The following PCDHA1 variants were observed in gnomAD, a reference collection of about 807,000 sequenced individuals.
PCDHA1 encodes the protein protocadherin alpha-1.
A neutral mutation model predicts 61.3 loss-of-function variants in PCDHA1; 42 were observed. The observed-to-expected ratio is 0.69, with a 90% confidence interval of 0.54 to 0.89. The LOEUF (loss-of-function observed/expected upper bound fraction) is 0.89. Ranked by LOEUF, PCDHA1 falls within the 40% of genes least tolerant of loss-of-function variation. The pLI, the probability that PCDHA1 is intolerant of heterozygous loss-of-function variation, is 0.00. For synonymous variants in PCDHA1, 610 were observed against 553.8 expected, an observed-to-expected ratio of 1.10 and a Z score of -1.43; for missense variants, 1,256 against 1,235.3, an observed-to-expected ratio of 1.02 and a Z score of -0.25.
rs537367595 is a variant in PCDHA1, at chr5:140,855,783, A to G, written c.2394+67099A>G. The G allele has an allele frequency of 2.9e-4, 123 of 423,664 alleles. 6 individuals carry two copies. Among genetic ancestry groups the G allele is most frequent in the Non-Finnish European group, 4.5e-4 (106 of 237,548 alleles). 26.2% of individuals were successfully genotyped at this position (423,664 alleles called of 1,614,324 possible). On this transcript the variant is annotated intron_variant, in intron 1 of 3. Coordinates refer to ENST00000504120, the MANE Select transcript of PCDHA1 (RefSeq NM_018900.4). ...TCCATAGACATAAAAATACGTAAAA[A>G]AAGAATTAACATATGAATGAAAGAA...
intron 1 of PCDHA1, chr5:140,863,734 C>A: frequency 3.9e-6 from 1 of 256,490 alleles, no homozygotes; most frequent in Non-Finnish European, 7.7e-6. Flanking sequence ...GTAGCTCATG[C>A]CTATTTGTAA....
chr5:140,906,327 A>G (rs1240461628), intron 1 of PCDHA1, among the ~76,000 whole-genome samples: 2 of 152,322 alleles, frequency 1.3e-5, no homozygotes, highest in African/African-American at 4.8e-5. Flanking sequence ...TGATACAACT[A>G]TCCTTCATAC....
rs1294664970 is a variant in PCDHA1, at chr5:140,858,562, T to C, written c.2394+69878T>C. On this transcript the variant is annotated intron_variant, in intron 1 of 3. Transcript: ENST00000504120. Reference sequence around the variant, plus strand: ...CATTCCATTTATGCTTGAATATTTCTAGTGATACCTTTGTAATATAATTTA... The same window carrying C: ...CATTCCATTTATGCTTGAATATTTCCAGTGATACCTTTGTAATATAATTTA... 46 of 1,371,718 alleles carry C rather than the reference T, an allele frequency of 3.4e-5. 2 individuals carry two copies. Among genetic ancestry groups the C allele is most frequent in the Non-Finnish European group, 4.5e-5 (45 of 990,734 alleles). 85.0% of individuals were successfully genotyped at this position (1,371,718 alleles called of 1,614,324 possible).
intron 1 of PCDHA1, among the ~76,000 whole-genome samples, chr5:140,956,370 A>G (rs1229960310): frequency 6.6e-6 from 1 of 152,152 alleles, no homozygotes; most frequent in East Asian, 1.9e-4. Context: ...GGGATGTTGA[A>G]TTTTATCGAA....
chr5:140,805,459 G>A, intron 1 of PCDHA1: 1 of 1,017,546 alleles, frequency 9.8e-7, no homozygotes, highest in Non-Finnish European at 1.2e-6. Context: ...GTTTGTGTGA[G>A]TGTAGTTCTT....
chr5:140,863,124 C>T (rs1554157805), intron 1 of PCDHA1: 1 of 594,982 alleles, frequency 1.7e-6, no homozygotes, highest in Non-Finnish European at 3.3e-6. Flanking sequence ...AAGCTACGCG[C>T]CACCGCCTGC....
chr5:140,845,177 C>T (rs1328451437), intron 1 of PCDHA1, among the ~76,000 whole-genome samples: 1 of 149,016 alleles, frequency 6.7e-6, no homozygotes, highest in East Asian at 1.9e-4. Context: ...TCATTTTAGT[C>T]CTTTAAAAAA....
intron 1 of PCDHA1, chr5:140,869,287 C>G (rs782369184): frequency 6.2e-7 from 1 of 1,613,538 alleles, no homozygotes; most frequent in South Asian, 1.1e-5. Flanking sequence ...GCTGGTGCAG[C>G]GCCTGTTCCG....
In PCDHA1 at chr5:140,929,760, G is replaced by A. The variant is rs139688975; in HGVS notation, c.2395-49189G>A. 1,459 of 180,340 alleles carry A rather than the reference G, an allele frequency of 8.1e-3. 10 individuals carry two copies. Among genetic ancestry groups the A allele is most frequent in the African/African-American group, 0.019 (807 of 42,220 alleles). The allele number at this position is 180,340 out of a possible 1,614,324, so 11.2% of individuals were successfully genotyped here. A position where few individuals can be genotyped will look rare whatever the true frequency, so the allele number is the denominator to read the frequency against. Reference sequence around the variant, plus strand: ...TTGCAATGCATTATTAAAAGATGACGATAACCACAAAAGATGTAAAAATAA... The same window carrying A: ...TTGCAATGCATTATTAAAAGATGACAATAACCACAAAAGATGTAAAAATAA... On this transcript the variant is annotated intron_variant, in intron 1 of 3. Transcript: ENST00000504120.
chr5:140,790,209 C>A (rs1554118506), intron 1 of PCDHA1, among the ~76,000 whole-genome samples: 1 of 152,122 alleles, frequency 6.6e-6, no homozygotes, highest in Non-Finnish European at 1.5e-5. Context: ...CTGGGCAGCA[C>A]GTTTTATAGC....
At chr5:140,937,198 C>T (rs2091402998) in intron 1 of PCDHA1, among the ~76,000 whole-genome samples, 1 of 151,908 alleles carries the variant, frequency 6.6e-6, no homozygotes, top group Non-Finnish European at 1.5e-5. Context: ...CCACCATGCC[C>T]GGCTAATTTT....
chr5:140,857,508 C>T, intron 1 of PCDHA1: 3 of 1,598,226 alleles, frequency 1.9e-6, no homozygotes, highest in Non-Finnish European at 2.6e-6. Context: ...CAGGAGAACG[C>T]CCTGGTGTCC....
At chr5:140,972,660 A>T (rs868975656) in intron 1 of PCDHA1, among the ~76,000 whole-genome samples, 47 of 117,276 alleles carry the variant, frequency 4.0e-4, no homozygotes, top group Non-Finnish European at 6.8e-4. Flanking sequence ...AAGAAACCAA[A>T]TTTTTTTTTT....
chr5:140,797,493 A>G lies in PCDHA1; in HGVS notation c.2394+8809A>G, dbSNP rs868910741. ...GTGCGATTTTGAATATGAATTAGAG[A>G]TCAATTTATTGCATTTACTGAACAA... On this transcript the variant is annotated intron_variant, in intron 1 of 3. Transcript: ENST00000504120. 151 of 977,194 alleles carry G rather than the reference A, an allele frequency of 1.5e-4. No individual in the cohort carries two copies. In the Middle Eastern group the frequency reaches 3.7e-3, roughly 24 times the overall value. 60.5% of individuals were successfully genotyped at this position (977,194 alleles called of 1,614,324 possible). A position where few individuals can be genotyped will look rare whatever the true frequency, so the allele number is the denominator to read the frequency against.
At chr5:140,924,901 A>AAAAAAATAAAT (rs369245222) in intron 1 of PCDHA1, among the ~76,000 whole-genome samples, 34 of 80,504 alleles carry the variant, frequency 4.2e-4, no homozygotes, top group Non-Finnish European at 7.7e-4. Context: ...TCTCAAAAAA[A>AAAAAAATAAAT]AAAATAAAAT....
At chr5:140,935,264 A>G (rs756476804) in intron 1 of PCDHA1, among the ~76,000 whole-genome samples, 3 of 152,196 alleles carry the variant, frequency 2.0e-5, no homozygotes, top group African/African-American at 7.2e-5. Context: ...TCACATGTTT[A>G]TACTAATCTA....
At chr5:140,897,227 CA>C (rs1408350956) in intron 1 of PCDHA1, among the ~76,000 whole-genome samples, 2 of 152,036 alleles carry the variant, frequency 1.3e-5, no homozygotes, top group African/African-American at 2.4e-5. Context: ...TACATGTGCA[CA>C]ATGTGCAGGT....
At chr5:140,958,133 G>T (rs1472500802) in intron 1 of PCDHA1, among the ~76,000 whole-genome samples, 2 of 152,046 alleles carry the variant, frequency 1.3e-5, no homozygotes, top group East Asian at 3.8e-4. Flanking sequence ...ATGTATCAGT[G>T]TGTATATTTA....
chr5:140,846,985 C>T (rs138755205), intron 1 of PCDHA1, among the ~76,000 whole-genome samples: 9 of 149,188 alleles, frequency 6.0e-5, no homozygotes, highest in African/African-American at 1.5e-4. Context: ...AAGTAAGTTC[C>T]CCCCGGGAGA....
Sources: gnomAD v4.1 joint callset for allele counts (sites outside exome capture counted in the v4.1 genomes callset) on GRCh38, gnomAD v4.1.1 for gene constraint, MANE v1.5 for transcripts, NCBI Gene and HGNC (gene_info 2026-07-23, HGNC 2026-07-21) for gene names.